The following ATP13A2 variants were observed in gnomAD, a reference collection of about 807,000 sequenced individuals.
ATP13A2 encodes the protein polyamine-transporting ATPase 13A2.
Under a neutral mutation model 138.3 loss-of-function variants are expected in ATP13A2, and 83 were observed. The observed-to-expected ratio is 0.60, with a 90% confidence interval of 0.50 to 0.72. The LOEUF is 0.72. Among genes scored for constraint, ATP13A2 ranks in the 30% least tolerant of loss-of-function variants. The probability of loss-of-function intolerance (pLI) is 0.00; values close to 1 mark genes in which losing one functional copy is unlikely to be tolerated. For missense variants in ATP13A2, 1,402 were observed against 1,606.4 expected (o/e 0.87, Z 2.17); for synonymous variants, 663 against 699.0 (o/e 0.95, Z 0.81).
chr1:17,004,474 A>G lies in ATP13A2; in HGVS notation c.478-63T>C. On this transcript the variant is annotated intron_variant, in intron 5 of 28. Transcript: ENST00000326735. This position sits in a 1 kb window ranked among gnomAD's most constrained non-coding sequence, Gnocchi z 4.1. ...CCCCGGCCCCAGAAGCAGTGTGCTT[A>G]TGCTGGGAGCCGAGGGATGGGGGTA... is the stretch of plus-strand genomic sequence containing the variant. 1 of 1,589,376 alleles carries G rather than the reference A, an allele frequency of 6.3e-7. No homozygotes were observed. The highest frequency in any genetic ancestry group is 8.6e-7 in the Non-Finnish European group (1 of 1,161,994).
chr1:16,996,350 G>C (rs750974506), intron 13 of ATP13A2, 36 bp downstream of exon 13: 5 of 1,613,572 alleles, frequency 3.1e-6, no homozygotes, highest in Middle Eastern at 1.6e-4. Flanking sequence ...AGGTGGGGGG[G>C]GCTATGGGCA....
intron 25 of ATP13A2, among the ~76,000 whole-genome samples, chr1:16,987,825 G>C (rs1438970774): frequency 3.3e-5 from 5 of 152,170 alleles, no homozygotes; most frequent in African/African-American, 1.2e-4. Flanking sequence ...GATGGGGCGG[G>C]GGCGAGGGTT....
intron 15 of ATP13A2, 40 bp from the exon 16 acceptor site, chr1:16,993,875 G>A: frequency 6.7e-7 from 1 of 1,493,228 alleles, no homozygotes; most frequent in Non-Finnish European, 9.0e-7. Flanking sequence ...TGAGTCCTGG[G>A]ATGGGGGTAC....
chr1:16,989,718 T>A lies in ATP13A2; in HGVS notation c.2582A>T (p.Glu861Val). 6.2e-7 allele frequency: 1 copy of A among 1,614,034 alleles called. No homozygotes were observed. The highest frequency in any genetic ancestry group is 8.5e-7 in the Non-Finnish European group (1 of 1,180,032). ...FARMAPEQKT[E>V]LVCELQKLQY... is the part of the protein sequence containing the mutation. Reference sequence around the variant, plus strand: ...AAGCTTCTGTAGCTCGCACACCAGCTCTGTCTTCTGCTCAGGGGCCATGCG... The same window carrying A: ...AAGCTTCTGTAGCTCGCACACCAGCACTGTCTTCTGCTCAGGGGCCATGCG... Residue 861 changes from glutamate (E) to valine (V), a missense_variant, in exon 23 of 29, where the codon GAG (glutamate) becomes GTG (valine). By Grantham distance (121) the Glu-to-Val change is moderately radical. Coordinates refer to ENST00000326735, the MANE Select transcript of ATP13A2 (RefSeq NM_022089.4).
chr1:17,003,669 T>A (rs1429096980), intron 6 of ATP13A2, among the ~76,000 whole-genome samples: 1 of 35,362 alleles, frequency 2.8e-5, no homozygotes, highest in African/African-American at 2.0e-4. Context: ...TCTTTTTCTT[T>A]TTTTTTTTTT....
intron 15 of ATP13A2, 52 bp from the exon 16 acceptor site, chr1:16,993,887 C>T (rs1398233629): frequency 1.4e-6 from 2 of 1,445,390 alleles, no homozygotes; most frequent in South Asian, 2.8e-5. Context: ...TGGGGGTACC[C>T]TGCTGAGCTG....
At position 16,990,082 on chromosome 1, in the gene ATP13A2, G is replaced by T. The variant is rs77880760; in HGVS notation, c.2412+45C>A. 8.2e-4 allele frequency: 1,321 copies of T among 1,613,804 alleles called. 6 individuals carry two copies. In the African/African-American group the frequency reaches 0.016, roughly 19 times the overall value. ...GGCCTGGGTCAGGTGACACAGGGGTGGGGTCACTGGGTGAGGTACAGCTGG... is the reference window on the plus strand; with the variant it reads ...GGCCTGGGTCAGGTGACACAGGGGTTGGGTCACTGGGTGAGGTACAGCTGG... On this transcript the variant is annotated intron_variant, in intron 21 of 28. Coordinates refer to ENST00000326735, the MANE Select transcript of ATP13A2 (RefSeq NM_022089.4).
At chr1:16,992,165 G>A in intron 18 of ATP13A2, 36 bp from the exon 19 acceptor site, 1 of 1,611,860 alleles carries the variant, frequency 6.2e-7, no homozygotes, top group Non-Finnish European at 8.5e-7. Context: ...AGGAGGGGAT[G>A]GCAGGGACAG....
In ATP13A2 at chr1:17,001,172, C is replaced by CT. The variant is rs928969320; in HGVS notation, c.706-639dup. Among the ~76,000 whole-genome samples, 14 of 150,966 alleles carry CT rather than the reference C, an allele frequency of 9.3e-5. No individual in the cohort carries two copies. In the East Asian group the frequency reaches 2.7e-3, roughly 29 times the overall value. ...GTGGCTCATGCCTATAATCCCAGCA[C>CT]TTTGCAAGGCCGAGGCAGGTGGGTC... On this transcript the variant is annotated intron_variant, in intron 8 of 28. Coordinates refer to ENST00000326735, the MANE Select transcript of ATP13A2 (RefSeq NM_022089.4).
chr1:16,989,612 G>T, intron 23 of ATP13A2, 79 bp downstream of exon 23: 1 of 1,449,740 alleles, frequency 6.9e-7, no homozygotes, highest in African/African-American at 1.4e-5. Flanking sequence ...ACAGGGCCCT[G>T]GGGAAGGACA....
At position 16,995,671 on chromosome 1, in the gene ATP13A2, C is replaced by A; in HGVS notation, c.1542+305G>T. 2.2e-6 allele frequency: 1 copy of A among 445,810 alleles called. No individual in the cohort carries two copies. Among genetic ancestry groups the A allele is most frequent in the South Asian group, 2.0e-5 (1 of 49,448 alleles). The allele number at this position is 445,810 out of a possible 1,614,324, so 27.6% of individuals were successfully genotyped here. On this transcript the variant is annotated intron_variant, in intron 15 of 28. Transcript: ENST00000326735. The surrounding 1 kb of genome is among the most constrained non-coding windows in gnomAD (Gnocchi z 4.1). ...ATGTTGGTCAGGCTGGTCTTGAACT[C>A]CTGACCTCAAGTGATGTATCTGCCT...
chr1:17,005,274 C>A (rs2077509672), intron 3 of ATP13A2, 100 bp downstream of exon 3: 1 of 1,516,258 alleles, frequency 6.6e-7, no homozygotes, highest in African/African-American at 1.4e-5. Context: ...GCCTAATGTC[C>A]CATGGAAAGT....
Position 16,988,444 on chromosome 1 carries a change from G to A in ATP13A2, c.2640C>T (p.Ala880=), listed in dbSNP as rs567287489. ...CCGCCTTCAGGGCCCCACAGTCATT[G>A]GCGCCGTCTCCGCACATGCCCACGC... ...QYCVGMCGDG[A]NDCGALKAAD... The change falls in exon 24 of 29, where the codon GCC becomes GCT. Residue 880 remains alanine (A), a synonymous_variant. Transcript: ENST00000326735. 161 of 1,613,946 alleles carry A rather than the reference G, an allele frequency of 1.0e-4. 1 individual carries two copies. The highest frequency in any genetic ancestry group is 2.7e-4 in the South Asian group (25 of 91,086).
intron 23 of ATP13A2, among the ~76,000 whole-genome samples, 169 bp downstream of exon 23, chr1:16,989,521 AT>A (rs2100713337): frequency 6.6e-6 from 1 of 152,290 alleles, no homozygotes; most frequent in East Asian, 1.9e-4. Flanking sequence ...TACAATTATT[AT>A]TTTTAGCATG....
chr1:16,996,772 C>T lies in ATP13A2; in HGVS notation c.1195+248G>A, dbSNP rs570874312. On this transcript the variant is annotated intron_variant, in intron 12 of 28. Transcript: ENST00000326735. ...CCTGCCTGCCCGCTACATCCCTGCC[C>T]GCTCCAGCACTGTAACCCCGGCGGC... 7.2e-5 allele frequency: 45 copies of T among 628,484 alleles called. No homozygotes were observed. In the South Asian group the frequency reaches 7.9e-4, roughly 11 times the overall value. 38.9% of individuals were successfully genotyped at this position (628,484 alleles called of 1,614,324 possible).
In ATP13A2 at chr1:16,993,708, G is replaced by A; in HGVS notation, c.1670C>T (p.Thr557Ile). 6.3e-7 allele frequency: 1 copy of A among 1,595,150 alleles called. No individual in the cohort carries two copies. The highest frequency in any genetic ancestry group is 8.5e-7 in the Non-Finnish European group (1 of 1,171,514). ...CTGGAGCCGGCTGAGGGCATGGCAGGTGGCCAGTGCTCGGAGCAGGGGCCC... is the reference window on the plus strand; with the variant it reads ...CTGGAGCCGGCTGAGGGCATGGCAGATGGCCAGTGCTCGGAGCAGGGGCCC... ...PVGPLLRALA[T>I]CHALSRLQDT... Residue 557 changes from threonine (T) to isoleucine (I), a missense_variant, in exon 16 of 29, where the codon ACC (threonine) becomes ATC (isoleucine). By Grantham distance (89) the Thr-to-Ile change is moderately conservative. Coordinates refer to ENST00000326735, the MANE Select transcript of ATP13A2 (RefSeq NM_022089.4).
At position 17,011,188 on chromosome 1, in the gene ATP13A2, C is replaced by T. The variant is rs1406709289; in HGVS notation, c.10+541G>A. Among the ~76,000 whole-genome samples the T allele has an allele frequency of 6.6e-6, 1 of 152,018 alleles. No homozygotes were observed. Among genetic ancestry groups the T allele is most frequent in the Admixed American group, 6.5e-5 (1 of 15,268 alleles). On this transcript the variant is annotated intron_variant, in intron 1 of 28. Transcript: ENST00000326735. This position sits in a 1 kb window ranked among gnomAD's most constrained non-coding sequence, Gnocchi z 7.3. ...GTTGCATGGAGGGTGTGGCCCTTGG[C>T]CCTGGGTGTGACGGGTTTTCTCTGG...
Position 17,011,407 on chromosome 1 carries a change from G to A in ATP13A2, c.10+322C>T, listed in dbSNP as rs562520064. ...GGATCCGATTAAGTGGGCGTGGGGTGGCCTCCCCGTCCCCGCACGGCCCCA... is the reference window on the plus strand; with the variant it reads ...GGATCCGATTAAGTGGGCGTGGGGTAGCCTCCCCGTCCCCGCACGGCCCCA... On this transcript the variant is annotated intron_variant, in intron 1 of 28. Transcript: ENST00000326735. This position sits in a 1 kb window ranked among gnomAD's most constrained non-coding sequence, Gnocchi z 7.3. 1.9e-4 allele frequency among the ~76,000 whole-genome samples: 29 copies of A among 152,296 alleles called. No homozygotes were observed. The highest frequency in any genetic ancestry group is 6.7e-4 in the African/African-American group (28 of 41,570).
At position 16,986,090 on chromosome 1, in the gene ATP13A2, C is replaced by T. The variant is rs755686764; in HGVS notation, c.*131G>A. On this transcript the variant is annotated 3_prime_UTR_variant, in exon 29 of 29. Coordinates refer to ENST00000326735, the MANE Select transcript of ATP13A2 (RefSeq NM_022089.4). This position sits in a 1 kb window ranked among gnomAD's most constrained non-coding sequence, Gnocchi z 6.9. ...CGCTTCCCCAGGGTGGGGGTGGTCT[C>T]GGGGGAGGAGTGTAGACAGTCGCCA... 5 of 1,545,248 alleles carry T rather than the reference C, an allele frequency of 3.2e-6. No individual in the cohort carries two copies. The highest frequency in any genetic ancestry group is 2.1e-5 in the Admixed American group (1 of 47,472).
Sources: allele counts gnomAD v4.1 joint callset (sites outside exome capture counted in the v4.1 genomes callset), GRCh38; gene constraint gnomAD v4.1.1; non-coding constraint Gnocchi (gnomAD v3.1); transcripts MANE v1.5; gene names NCBI Gene and HGNC (gene_info 2026-07-23, HGNC 2026-07-21).